MTHFD1L: variants seen among roughly 807,000 people sequenced by gnomAD.
MTHFD1L encodes monofunctional C1-tetrahydrofolate synthase, mitochondrial.
In MTHFD1L, 81 loss-of-function variants were observed where a neutral mutation model predicts 119.5. That is an observed-to-expected ratio of 0.68 (90% CI 0.57 to 0.82). The LOEUF (loss-of-function observed/expected upper bound fraction) is 0.82, where lower values mean the gene tolerates loss of function less well. Ranked by LOEUF, MTHFD1L falls within the 40% of genes least tolerant of loss-of-function variation. The probability of loss-of-function intolerance (pLI) is 0.00; values close to 1 mark genes in which losing one functional copy is unlikely to be tolerated. For synonymous variants in MTHFD1L, 430 were observed against 475.2 expected (o/e 0.90, Z 1.24); for missense variants, 1,125 against 1,253.4 (o/e 0.90, Z 1.55).
intron 26 of MTHFD1L, among the ~76,000 whole-genome samples, chr6:151,078,071 A>T (rs1331447609): frequency 6.6e-6 from 1 of 151,278 alleles, no homozygotes; most frequent in African/African-American, 2.4e-5. Flanking sequence ...AAAAAAAAAA[A>T]AAATCAAGGA....
chr6:150,882,780 A>G lies in MTHFD1L; in HGVS notation c.436A>G (p.Lys146Glu). The G allele has an allele frequency of 6.6e-7, 1 of 1,520,670 alleles. No individual in the cohort carries two copies. 94.2% of individuals were successfully genotyped at this position (1,520,670 alleles called of 1,614,324 possible). Residue 146 changes from lysine (K) to glutamate (E), a missense_variant, in exon 5 of 28, where the codon AAG (lysine) becomes GAG (glutamate). Physicochemically the swap from Lys to Glu is moderately conservative, Grantham distance 56. Coordinates refer to ENST00000367321, the MANE Select transcript of MTHFD1L (RefSeq NM_015440.5). ...SEAEIIDEIL[K>E]INEDTRVHGL... ...TCTTTAGATTATAGATGAAATCTTA[A>G]AGATCAATGAAGATACCAGAGTACA...
intron 18 of MTHFD1L, among the ~76,000 whole-genome samples, chr6:150,962,345 A>T (rs901179081): frequency 6.6e-6 from 1 of 152,174 alleles, no homozygotes; most frequent in African/African-American, 2.4e-5. Flanking sequence ...AAACCCAAAG[A>T]TTACTCTTTT....
At chr6:150,883,063 C>T (rs953757554) in intron 5 of MTHFD1L, among the ~76,000 whole-genome samples, 177 bp downstream of exon 5, 1 of 150,366 alleles carries the variant, frequency 6.7e-6, no homozygotes, top group African/African-American at 2.4e-5. Context: ...GATGGAGTCT[C>T]GCTCTGTTGC....
At chr6:150,961,996 AT>A (rs1291979218) in intron 18 of MTHFD1L, among the ~76,000 whole-genome samples, 1 of 151,854 alleles carries the variant, frequency 6.6e-6, no homozygotes, top group Non-Finnish European at 1.5e-5. Context: ...TTATTTATTT[AT>A]TTTGTTTTTG....
intron 27 of MTHFD1L, chr6:151,099,415 C>CCA (rs1795165334): frequency 2.7e-6 from 2 of 736,000 alleles, no homozygotes; most frequent in Non-Finnish European, 4.7e-6. Context: ...GATACCAGAG[C>CCA]CACTACAGTG....
chr6:150,975,811 CT>C (rs1776473822), intron 20 of MTHFD1L, among the ~76,000 whole-genome samples: 1 of 152,212 alleles, frequency 6.6e-6, no homozygotes, highest in East Asian at 1.9e-4. Context: ...CAGAAGCCCC[CT>C]GAGCAGTACC....
Position 150,866,029 on chromosome 6 carries a change from G to A in MTHFD1L, c.207G>A (p.Ala69=). The A allele has an allele frequency of 7.1e-7, 1 of 1,414,786 alleles. No individual in the cohort carries two copies. Among genetic ancestry groups the A allele is most frequent in the Non-Finnish European group, 9.2e-7 (1 of 1,089,420 alleles). 87.6% of individuals were successfully genotyped at this position (1,414,786 alleles called of 1,614,324 possible). Residue 69 remains alanine, a synonymous_variant, in exon 1 of 28, where the codon GCG becomes GCA. Coordinates refer to ENST00000367321, the MANE Select transcript of MTHFD1L (RefSeq NM_015440.5). ...SSCSPGGRTP[A]ARDSIVREVI... Reference sequence around the variant, plus strand: ...GCAGCCCCGGCGGCCGAACGCCCGCGGCGCGGGACTCCATCGTCAGGTGAG... The same window carrying A: ...GCAGCCCCGGCGGCCGAACGCCCGCAGCGCGGGACTCCATCGTCAGGTGAG...
chr6:150,866,919 G>A (rs1778459598), intron 1 of MTHFD1L, among the ~76,000 whole-genome samples: 1 of 152,148 alleles, frequency 6.6e-6, no homozygotes, highest in African/African-American at 2.4e-5. Flanking sequence ...AGCCCCTTCC[G>A]CCTCCCTCGG....
At chr6:151,007,637 G>A (rs779217248) in intron 20 of MTHFD1L, among the ~76,000 whole-genome samples, 5 of 152,082 alleles carry the variant, frequency 3.3e-5, no homozygotes, top group African/African-American at 7.2e-5. Flanking sequence ...TCCAGTACTG[G>A]GGCCTTATTG....
At chr6:151,084,058 AC>A (rs1312706149) in intron 26 of MTHFD1L, among the ~76,000 whole-genome samples, 5 of 152,206 alleles carry the variant, frequency 3.3e-5, no homozygotes, top group African/African-American at 1.2e-4. Flanking sequence ...CAAGAAATTC[AC>A]TTCCTCAGAA....
chr6:151,023,478 C>T (rs998255737), intron 24 of MTHFD1L, among the ~76,000 whole-genome samples: 2 of 152,134 alleles, frequency 1.3e-5, no homozygotes, highest in African/African-American at 2.4e-5. Flanking sequence ...TAACCCACCA[C>T]CCAGCCTGCC....
chr6:150,996,570 T>C (rs76606928), intron 20 of MTHFD1L, among the ~76,000 whole-genome samples: 2,468 of 152,258 alleles, frequency 0.016, 88 homozygotes, highest in African/African-American at 0.056. Context: ...AACCACTCCC[T>C]TGTTGTCCCC....
chr6:150,913,494 C>T (rs537533691), intron 8 of MTHFD1L, among the ~76,000 whole-genome samples: 2 of 151,904 alleles, frequency 1.3e-5, no homozygotes, highest in South Asian at 4.2e-4. Flanking sequence ...TTTCTAGAGA[C>T]GAGGTTTCAC....
rs151085489 is a variant in MTHFD1L at position 150,898,018 on chromosome 6, A to G, written c.781-7632A>G. ...CGCCACCACGCCCAGCTAATTTTGT[A>G]TTTTTAGTAGGGACAGAGTTTCTCC... On this transcript the variant is annotated intron_variant, in intron 7 of 27. Coordinates refer to ENST00000367321, the MANE Select transcript of MTHFD1L (RefSeq NM_015440.5). Among the ~76,000 whole-genome samples, 242 of 151,970 alleles carry G rather than the reference A, an allele frequency of 1.6e-3. 1 individual carries two copies. Among genetic ancestry groups the G allele is most frequent in the African/African-American group, 5.7e-3 (236 of 41,448 alleles).
chr6:150,866,284 T>TGGGCATCTCCAATGGGCGC (rs1778288161), intron 1 of MTHFD1L: 7 of 1,467,558 alleles, frequency 4.8e-6, no homozygotes, highest in South Asian at 3.9e-5. Flanking sequence ...CAGGTGGGCG[T>TGGGCATCTCCAATGGGCGC]GGGCATCTCC....
intron 24 of MTHFD1L, among the ~76,000 whole-genome samples, chr6:151,024,850 G>A (rs1301105051): frequency 6.6e-6 from 1 of 151,898 alleles, no homozygotes; most frequent in Non-Finnish European, 1.5e-5. Context: ...TTTTTTTTGA[G>A]CCTGGGCAAC....
intron 26 of MTHFD1L, among the ~76,000 whole-genome samples, 172 bp from the exon 27 acceptor site, chr6:151,092,295 A>G (rs1006724401): frequency 1.3e-4 from 20 of 152,176 alleles, no homozygotes; most frequent in African/African-American, 4.8e-4. Flanking sequence ...TTTCTACTTC[A>G]TTTCCTTAAA....
chr6:150,980,214 G>T (rs1317958456), intron 20 of MTHFD1L, among the ~76,000 whole-genome samples: 2 of 152,206 alleles, frequency 1.3e-5, no homozygotes, highest in Non-Finnish European at 2.9e-5. Context: ...TCAGGAAACT[G>T]CTAATCACAG....
intron 26 of MTHFD1L, chr6:151,087,995 TCTC>T (rs1057291872): frequency 9.2e-5 from 14 of 152,270 alleles, no homozygotes; most frequent in Middle Eastern, 3.4e-3. Context: ...TCAACATAGA[TCTC>T]CACTGACCCC....
Sources: allele counts gnomAD v4.1 joint callset (sites outside exome capture counted in the v4.1 genomes callset), GRCh38; gene constraint gnomAD v4.1.1; transcripts MANE v1.5; gene names NCBI Gene and HGNC (gene_info 2026-07-23, HGNC 2026-07-21).